ARMC7: variants seen among roughly 807,000 people sequenced by gnomAD.
ARMC7 encodes armadillo repeat-containing protein 7.
A neutral mutation model predicts 14.8 loss-of-function variants in ARMC7; 9 were observed. That is an observed-to-expected ratio of 0.61 (90% CI 0.37 to 1.06). The LOEUF is 1.06. ARMC7 is among the 50% of genes least tolerant of loss of function. The pLI is 0.01. For synonymous variants in ARMC7, 125 were observed against 123.4 expected (o/e 1.01, Z -0.09); for missense variants, 262 against 267.1 (o/e 0.98, Z 0.13).
At position 75,130,215 on chromosome 17, in the gene ARMC7, G is replaced by A. The variant is rs1241217564; in HGVS notation, c.*1177G>A. The stretch of plus-strand genomic sequence containing the variant: ...TGTCCCTTTATGTTCCCAAATAAAG[G>A]GTCCTAGAAGACTAGAAAGCCAAGG... On this transcript the variant is annotated 3_prime_UTR_variant, in exon 3 of 3. Transcript: ENST00000245543. The A allele has an allele frequency of 9.5e-6, 4 of 419,650 alleles. No individual in the cohort carries two copies. Among genetic ancestry groups the A allele is most frequent in the Admixed American group, 8.0e-5 (2 of 24,942 alleles). 26.0% of individuals were successfully genotyped at this position (419,650 alleles called of 1,614,324 possible).
chr17:75,123,674 T>G (rs1272452249), intron 2 of ARMC7, among the ~76,000 whole-genome samples: 1 of 152,078 alleles, frequency 6.6e-6, no homozygotes, highest in African/African-American at 2.4e-5. Flanking sequence ...TTCATCCCAG[T>G]ACTTTGGGAG....
chr17:75,112,068 T>C (rs1158641300), intron 2 of ARMC7, among the ~76,000 whole-genome samples: 1 of 147,720 alleles, frequency 6.8e-6, no homozygotes. Flanking sequence ...ACTTCAGTTT[T>C]GGCCATCATG....
At position 75,110,047 on chromosome 17, in the gene ARMC7, C is replaced by T; in HGVS notation, c.-242C>T. Reference sequence around the variant, plus strand: ...CAACCAGTAGACGGTTCCCTGTCTCCCGCGCCCCAATTTCGATTTTCAAAC... The same window carrying T: ...CAACCAGTAGACGGTTCCCTGTCTCTCGCGCCCCAATTTCGATTTTCAAAC... On this transcript the variant is annotated 5_prime_UTR_variant, in exon 1 of 3. Transcript: ENST00000245543. 1 of 498,126 alleles carries T rather than the reference C, an allele frequency of 2.0e-6. No individual in the cohort carries two copies. Among genetic ancestry groups the T allele is most frequent in the East Asian group, 3.5e-5 (1 of 28,360 alleles). The allele number at this position is 498,126 out of a possible 1,614,324, so 30.9% of individuals were successfully genotyped here.
intron 2 of ARMC7, among the ~76,000 whole-genome samples, chr17:75,119,103 C>A (rs1162479008): frequency 6.6e-6 from 1 of 151,812 alleles, no homozygotes; most frequent in African/African-American, 2.4e-5. Context: ...TGCACCCAGC[C>A]CCAGTGGCAG....
intron 2 of ARMC7, chr17:75,114,485 TG>T: frequency 2.5e-6 from 1 of 392,800 alleles, no homozygotes; most frequent in Non-Finnish European, 4.5e-6. Context: ...GCCCGGGTCC[TG>T]GAGTCCGCGG....
chr17:75,112,573 CTTTTT>C (rs549730217), intron 2 of ARMC7, among the ~76,000 whole-genome samples: 1,070 of 100,448 alleles, frequency 0.011, 7 homozygotes, highest in African/African-American at 0.036. Context: ...TTCTCTTTTT[CTTTTT>C]TTTTTTTTTT....
In ARMC7 at chr17:75,122,503, G is replaced by A. The variant is rs572822646; in HGVS notation, c.236-6174G>A. On this transcript the variant is annotated intron_variant, in intron 2 of 2. Coordinates refer to ENST00000245543, the MANE Select transcript of ARMC7 (RefSeq NM_024585.4). ...CAGCTTCTCGAGTAGCTGGGACTAC[G>A]GGCGTGTGCCACCACGCCCAGCTAA... 3.2e-3 allele frequency among the ~76,000 whole-genome samples: 488 copies of A among 151,072 alleles called. 10 individuals are homozygous for A. The highest frequency in any genetic ancestry group is 0.028 in the Admixed American group (419 of 15,208).
chr17:75,129,127 CATTGGTGCCT>C lies in ARMC7; in HGVS notation c.*90_*99del. 6.8e-7 allele frequency: 1 copy of C among 1,474,204 alleles called. No individual in the cohort carries two copies. Among genetic ancestry groups the C allele is most frequent in the Non-Finnish European group, 9.0e-7 (1 of 1,112,318 alleles). The allele number at this position is 1,474,204 out of a possible 1,614,324, so 91.3% of individuals were successfully genotyped here. Reference sequence around the variant, plus strand: ...AGGGAACGGGGAGCACATACTGCCCCATTGGTGCCTTTTCAGCCATCTGAAAGGCGGGTTC... The same window carrying C: ...AGGGAACGGGGAGCACATACTGCCCCTTTCAGCCATCTGAAAGGCGGGTTC... On this transcript the variant is annotated 3_prime_UTR_variant, in exon 3 of 3. Transcript: ENST00000245543.
intron 2 of ARMC7, among the ~76,000 whole-genome samples, chr17:75,122,916 C>T (rs1383449287): frequency 1.3e-5 from 2 of 151,888 alleles, no homozygotes; most frequent in Non-Finnish European, 2.9e-5. Flanking sequence ...ACAGAAAGCT[C>T]TTAGAGGAGG....
intron 2 of ARMC7, among the ~76,000 whole-genome samples, chr17:75,124,801 C>A (rs180749479): frequency 6.6e-6 from 1 of 151,808 alleles, no homozygotes; most frequent in African/African-American, 2.4e-5. Flanking sequence ...GCCTTGACTT[C>A]TCCCATGGAA....
At chr17:75,114,586 G>A (rs960731110) in intron 2 of ARMC7, 5 of 394,572 alleles carry the variant, frequency 1.3e-5, no homozygotes, top group African/African-American at 8.2e-5. Context: ...TGCCTGCGTC[G>A]CAAGCAGTTG....
intron 2 of ARMC7, among the ~76,000 whole-genome samples, chr17:75,119,166 G>GT (rs11282264): frequency 7.4e-6 from 1 of 134,398 alleles, no homozygotes; most frequent in African/African-American, 3.6e-5. Context: ...TGGTACACTG[G>GT]ACTGGTACAC....
chr17:75,124,452 C>T (rs1461061526), intron 2 of ARMC7, among the ~76,000 whole-genome samples: 1 of 152,216 alleles, frequency 6.6e-6, no homozygotes, highest in Non-Finnish European at 1.5e-5. Context: ...GGTGATGACT[C>T]AGCTGCCAGG....
chr17:75,125,048 G>T (rs982180318), intron 2 of ARMC7, among the ~76,000 whole-genome samples: 1 of 152,242 alleles, frequency 6.6e-6, no homozygotes, highest in Admixed American at 6.5e-5. Flanking sequence ...ATGGGGAGAG[G>T]CGCTCAGTCA....
At chr17:75,116,486 G>C (rs964265118) in intron 2 of ARMC7, among the ~76,000 whole-genome samples, 3 of 152,200 alleles carry the variant, frequency 2.0e-5, no homozygotes, top group Non-Finnish European at 4.4e-5. Flanking sequence ...TTAGCTGGGT[G>C]CGGTGGCACG....
intron 2 of ARMC7, among the ~76,000 whole-genome samples, chr17:75,121,640 C>T (rs1192757377): frequency 6.6e-6 from 1 of 152,184 alleles, no homozygotes; most frequent in Non-Finnish European, 1.5e-5. Context: ...TCTGGAACTC[C>T]TGACCTCAAG....
chr17:75,124,210 C>T (rs906006471), intron 2 of ARMC7, among the ~76,000 whole-genome samples: 2 of 152,222 alleles, frequency 1.3e-5, no homozygotes, highest in Non-Finnish European at 2.9e-5. Flanking sequence ...CCTTCTTCAT[C>T]TCTAAGGGAC....
intron 2 of ARMC7, among the ~76,000 whole-genome samples, chr17:75,111,431 G>A (rs897874353): frequency 2.0e-5 from 3 of 151,448 alleles, no homozygotes; most frequent in African/African-American, 7.3e-5. Flanking sequence ...GGGCAACAGT[G>A]AGACTCTGTC....
rs2073913779 is a variant in ARMC7 at position 75,110,780 on chromosome 17, T to A, written c.235+174T>A. Among the ~76,000 whole-genome samples, 3 of 151,748 alleles carry A rather than the reference T, an allele frequency of 2.0e-5. No homozygotes were observed. The South Asian group carries it at 6.2e-4, about 32-fold the overall frequency. On this transcript the variant is annotated intron_variant, in intron 2 of 2. Coordinates refer to ENST00000245543, the MANE Select transcript of ARMC7 (RefSeq NM_024585.4). ...GAGTTCGAGACCAGCCTGGCCCACA[T>A]GGCGAAACCCCGTCTCGTACAAAAA...
Sources: gnomAD v4.1 joint callset for allele counts (sites outside exome capture counted in the v4.1 genomes callset) on GRCh38, gnomAD v4.1.1 for gene constraint, MANE v1.5 for transcripts, NCBI Gene and HGNC (gene_info 2026-07-23, HGNC 2026-07-21) for gene names.